Variants in TENM4 observed in about 807,000 individuals in gnomAD.
TENM4 encodes the protein teneurin-4.
TENM4 carries 82 observed loss-of-function variants against 243.3 expected under a neutral mutation model. The ratio of observed to expected loss-of-function variants is 0.34; its 90% CI spans 0.28 to 0.40. The LOEUF is 0.40. Among genes scored for constraint, TENM4 ranks in the 10% least tolerant of loss-of-function variants. The pLI is 1.00. For synonymous variants in TENM4, 1,412 were observed against 1,456.3 expected (o/e 0.97, Z 0.69); for missense variants, 3,138 against 3,673.3 (o/e 0.85, Z 3.77).
At chr11:79,016,817 T>G (rs1393833452) in intron 6 of TENM4, among the ~76,000 whole-genome samples, 2 of 152,148 alleles carry the variant, frequency 1.3e-5, no homozygotes, top group Admixed American at 1.3e-4. Context: ...CCCAAAGAGA[T>G]TGAGAGGGGA....
intron 9 of TENM4, among the ~76,000 whole-genome samples, chr11:78,864,755 G>C (rs1342178176): frequency 1.3e-5 from 2 of 152,116 alleles, no homozygotes; most frequent in Non-Finnish European, 2.9e-5. Context: ...TGACACCCTG[G>C]ATGTAACATT....
intron 31 of TENM4, 46 bp from the exon 32 acceptor site, chr11:78,670,597 G>A: frequency 6.5e-7 from 1 of 1,545,564 alleles, no homozygotes; most frequent in Non-Finnish European, 8.8e-7. Flanking sequence ...GTGGTGAGGA[G>A]AAAGGGTAGG....
At chr11:79,085,558 G>A (rs1262535525) in intron 4 of TENM4, among the ~76,000 whole-genome samples, 1 of 152,064 alleles carries the variant, frequency 6.6e-6, no homozygotes, top group Non-Finnish European at 1.5e-5. Context: ...TTGTCTTGAG[G>A]CTCAAATGAG....
chr11:79,065,265 C>T (rs1591254956), intron 5 of TENM4, among the ~76,000 whole-genome samples: 1 of 152,168 alleles, frequency 6.6e-6, no homozygotes, highest in East Asian at 1.9e-4. Context: ...TACCCCAATA[C>T]CAACACCTGT....
Position 78,672,255 on chromosome 11 carries a change from G to A in TENM4, c.5571C>T (p.Arg1857=). 2 of 1,614,068 alleles carry A rather than the reference G, an allele frequency of 1.2e-6. No homozygotes were observed. Among genetic ancestry groups the A allele is most frequent in the South Asian group, 2.2e-5 (2 of 91,090 alleles). The change falls in exon 31 of 34, where the codon CGC becomes CGT. Residue 1857 remains arginine, a synonymous_variant. Coordinates refer to ENST00000278550, the MANE Select transcript of TENM4 (RefSeq NM_001098816.3). ...CGTACAGAATCCGAAGGGTGAACTT[G>A]CGGTGGTCATCATAGATCTTCTCTG... ...TRTEKIYDDH[R]KFTLRILYDQ... is the part of the protein sequence containing the mutation.
intron 2 of TENM4, among the ~76,000 whole-genome samples, chr11:79,290,105 T>A (rs1478562142): frequency 6.6e-6 from 1 of 152,102 alleles, no homozygotes; most frequent in East Asian, 1.9e-4. Context: ...AGTTTCTACT[T>A]TAGTTAGGCT....
intron 1 of TENM4, among the ~76,000 whole-genome samples, chr11:79,413,041 T>G (rs1290201804): frequency 6.6e-6 from 1 of 152,228 alleles, no homozygotes. Flanking sequence ...GTCCTAATGA[T>G]GTGGTAATAA....
At chr11:79,249,838 T>C (rs141078607) in intron 2 of TENM4, among the ~76,000 whole-genome samples, 161 of 152,286 alleles carry the variant, frequency 1.1e-3, no homozygotes, top group South Asian at 4.8e-3. Flanking sequence ...AGAAGATGTA[T>C]GTCAGGTGAC....
At chr11:78,664,397 C>T (rs1048272733) in intron 32 of TENM4, among the ~76,000 whole-genome samples, 2 of 152,056 alleles carry the variant, frequency 1.3e-5, no homozygotes, top group African/African-American at 4.8e-5. Context: ...TCATCCCTAG[C>T]TAATTTTTTG....
chr11:79,243,947 G>A (rs1054475632), intron 2 of TENM4, among the ~76,000 whole-genome samples: 1 of 152,218 alleles, frequency 6.6e-6, no homozygotes, highest in Admixed American at 6.5e-5. Flanking sequence ...AATGCAGACT[G>A]TGATCCAGCA....
intron 1 of TENM4, among the ~76,000 whole-genome samples, chr11:79,372,975 A>G (rs1383511661): frequency 6.6e-6 from 1 of 152,228 alleles, no homozygotes; most frequent in Non-Finnish European, 1.5e-5. Context: ...TTGGAGCTGT[A>G]TTCAAACTGC....
chr11:79,357,722 A>G (rs536172051), intron 1 of TENM4, among the ~76,000 whole-genome samples: 1 of 152,310 alleles, frequency 6.6e-6, no homozygotes, highest in Admixed American at 6.5e-5. Context: ...CCATTCACCA[A>G]CTTCTTCCAA....
intron 2 of TENM4, among the ~76,000 whole-genome samples, chr11:79,296,464 C>T (rs1307962070): frequency 6.6e-6 from 1 of 152,204 alleles, no homozygotes; most frequent in Non-Finnish European, 1.5e-5. Flanking sequence ...GCTGCCTTCA[C>T]TCTCAGGCGG....
At chr11:78,970,911 C>T (rs947871106) in intron 6 of TENM4, among the ~76,000 whole-genome samples, 7 of 152,044 alleles carry the variant, frequency 4.6e-5, no homozygotes, top group Non-Finnish European at 5.9e-5. Context: ...ACATTAACAA[C>T]GGTTATCACT....
Position 78,940,769 on chromosome 11 carries a change from T to C in TENM4, c.494-37246A>G, listed in dbSNP as rs191820572. On this transcript the variant is annotated intron_variant, in intron 6 of 33. Coordinates refer to ENST00000278550, the MANE Select transcript of TENM4 (RefSeq NM_001098816.3). ...ACCCTGGGGATGCCATGGTGACAGA[T>C]GAAAGTGCATCTCAGGGCCTGGATT... Among the ~76,000 whole-genome samples, 883 of 152,314 alleles carry C rather than the reference T, an allele frequency of 5.8e-3. 4 individuals carry two copies. The highest frequency in any genetic ancestry group is 0.02 in the African/African-American group (842 of 41,560).
chr11:79,051,213 T>C (rs1171780542), intron 6 of TENM4, among the ~76,000 whole-genome samples: 1 of 152,222 alleles, frequency 6.6e-6, no homozygotes, highest in Non-Finnish European at 1.5e-5. Context: ...GTGCTTTAAC[T>C]TTCTTACCTC....
At chr11:79,246,218 G>A (rs772435301) in intron 2 of TENM4, among the ~76,000 whole-genome samples, 5 of 152,116 alleles carry the variant, frequency 3.3e-5, no homozygotes, top group Non-Finnish European at 5.9e-5. Context: ...GCACATAAAC[G>A]TCATTTCACT....
chr11:79,277,499 A>G (rs953268934), intron 2 of TENM4, among the ~76,000 whole-genome samples: 1 of 152,222 alleles, frequency 6.6e-6, no homozygotes, highest in Non-Finnish European at 1.5e-5. Context: ...ATGGGATTTG[A>G]ACCCAGGTCT....
intron 1 of TENM4, among the ~76,000 whole-genome samples, chr11:79,316,982 G>C (rs1179217987): frequency 3.3e-5 from 5 of 152,246 alleles, no homozygotes; most frequent in African/African-American, 1.2e-4. Flanking sequence ...GGCAATGGGA[G>C]TTATTAACCT....
Sources: gnomAD v4.1 joint callset for allele counts (sites outside exome capture counted in the v4.1 genomes callset) on GRCh38, gnomAD v4.1.1 for gene constraint, MANE v1.5 for transcripts, NCBI Gene and HGNC (gene_info 2026-07-23, HGNC 2026-07-21) for gene names.